ACVR1C: variants seen among roughly 807,000 people sequenced by gnomAD.
ACVR1C encodes activin receptor type-1C.
Under a neutral mutation model 57.9 loss-of-function variants are expected in ACVR1C, and 23 were observed. The ratio of observed to expected loss-of-function variants is 0.40; its 90% confidence interval spans 0.29 to 0.56. ACVR1C has a LOEUF of 0.56. Ranked by LOEUF, ACVR1C falls within the 20% of genes least tolerant of loss-of-function variation. The pLI, the probability that ACVR1C is intolerant of heterozygous loss-of-function variation, is 0.50. For synonymous variants in ACVR1C, 214 were observed against 215.3 expected (o/e 0.99, Z 0.05); for missense variants, 480 against 607.9 (o/e 0.79, Z 2.21).
intron 1 of ACVR1C, among the ~76,000 whole-genome samples, chr2:157,628,221 G>C (rs1253008394): frequency 6.6e-6 from 1 of 152,122 alleles, no homozygotes; most frequent in East Asian, 1.9e-4. Context: ...GGTGAACCCA[G>C]CTCCCAGCCA....
At chr2:157,547,253 T>C (rs977366280) in intron 4 of ACVR1C, among the ~76,000 whole-genome samples, 5 of 121,898 alleles carry the variant, frequency 4.1e-5, no homozygotes, top group African/African-American at 1.4e-4. Context: ...GTCTTTGCTA[T>C]TGTGAATAAT....
At position 157,533,912 on chromosome 2, in the gene ACVR1C, T is replaced by A. The variant is rs542244481; in HGVS notation, c.*6A>T. ...GAGAGATTTCTTTTTAACATAATTA[T>A]CATCATTAGGCTTTGCAGTCTTCTT... is the stretch of plus-strand genomic sequence containing the variant. On this transcript the variant is annotated 3_prime_UTR_variant, in exon 9 of 9. Transcript: ENST00000243349. 5 of 1,545,856 alleles carry A rather than the reference T, an allele frequency of 3.2e-6. No individual in the cohort carries two copies. Among genetic ancestry groups the A allele is most frequent in the Non-Finnish European group, 4.3e-6 (5 of 1,152,640 alleles).
intron 3 of ACVR1C, among the ~76,000 whole-genome samples, chr2:157,554,399 G>A (rs1688039607): frequency 6.6e-6 from 1 of 150,474 alleles, no homozygotes; most frequent in Non-Finnish European, 1.5e-5. Flanking sequence ...AAGGAAGGAA[G>A]GAGATGAAGG....
intron 2 of ACVR1C, among the ~76,000 whole-genome samples, chr2:157,583,460 C>T (rs1490091087): frequency 6.6e-6 from 1 of 152,044 alleles, no homozygotes; most frequent in African/African-American, 2.4e-5. Flanking sequence ...GCAAATTAAT[C>T]TATATATTCA....
At chr2:157,616,089 T>C (rs886363342) in intron 1 of ACVR1C, among the ~76,000 whole-genome samples, 1 of 152,182 alleles carries the variant, frequency 6.6e-6, no homozygotes, top group Non-Finnish European at 1.5e-5. Context: ...CCAATATCTC[T>C]TCAACTATTT....
At chr2:157,610,714 G>A (rs1682512699) in intron 1 of ACVR1C, among the ~76,000 whole-genome samples, 1 of 152,056 alleles carries the variant, frequency 6.6e-6, no homozygotes, top group Non-Finnish European at 1.5e-5. Context: ...ATATTATGAA[G>A]AGTTTGTTCA....
At chr2:157,601,373 T>C (rs1682277779) in intron 1 of ACVR1C, among the ~76,000 whole-genome samples, 1 of 152,132 alleles carries the variant, frequency 6.6e-6, no homozygotes, top group South Asian at 2.1e-4. Context: ...TGGCTTCTCC[T>C]GGTTCCTTTT....
rs756582521 is a variant in ACVR1C at position 157,587,160 on chromosome 2, C to T, written c.304+27G>A. On this transcript the variant is annotated intron_variant, in intron 2 of 8. Transcript: ENST00000243349. ...AGTTTCCCAAGAGTAAAATTAAATT[C>T]GGAATGAACAAAGATAAACCCCTTA... The T allele has an allele frequency of 7.1e-6, 11 of 1,549,928 alleles. No homozygotes were observed. The Admixed American group carries it at 8.4e-5, about 12-fold the overall frequency.
At chr2:157,541,482 C>A (rs1335244155) in intron 6 of ACVR1C, among the ~76,000 whole-genome samples, 1 of 152,272 alleles carries the variant, frequency 6.6e-6, no homozygotes, top group East Asian at 1.9e-4. Flanking sequence ...AAGAAATCTA[C>A]AGTCCATGGG....
intron 4 of ACVR1C, among the ~76,000 whole-genome samples, chr2:157,549,180 C>A (rs1276616198): frequency 6.6e-6 from 1 of 152,000 alleles, no homozygotes; most frequent in Non-Finnish European, 1.5e-5. Context: ...ATAGTGAAAA[C>A]CCTGTCTCTA....
chr2:157,538,769 A>G, intron 7 of ACVR1C, 66 bp from the exon 8 acceptor site: 4 of 1,335,604 alleles, frequency 3.0e-6, no homozygotes, highest in Non-Finnish European at 3.9e-6. Context: ...ATTTTAAATA[A>G]TACCAATTAA....
At chr2:157,599,066 G>A (rs1407200087) in intron 1 of ACVR1C, among the ~76,000 whole-genome samples, 1 of 151,904 alleles carries the variant, frequency 6.6e-6, no homozygotes, top group East Asian at 1.9e-4. Context: ...CGGTCGCGGT[G>A]GCTCAGGCCT....
intron 5 of ACVR1C, 139 bp from the exon 6 acceptor site, chr2:157,543,001 TG>T: frequency 2.7e-6 from 2 of 749,124 alleles, no homozygotes; most frequent in Non-Finnish European, 4.2e-6. Flanking sequence ...TAAATTATCT[TG>T]TTTATTTATG....
intron 2 of ACVR1C, among the ~76,000 whole-genome samples, chr2:157,586,535 G>A (rs1465415423): frequency 3.3e-5 from 5 of 152,054 alleles, no homozygotes; most frequent in Non-Finnish European, 5.9e-5. Context: ...GTCCCTTAAT[G>A]TGTCCCAAAG....
intron 7 of ACVR1C, 69 bp from the exon 8 acceptor site, chr2:157,538,772 C>T: frequency 1.5e-6 from 2 of 1,316,696 alleles, no homozygotes; most frequent in Non-Finnish European, 9.9e-7. Flanking sequence ...TTAAATAATA[C>T]CAATTAAGTT....
At chr2:157,566,723 C>T (rs975965568) in intron 2 of ACVR1C, among the ~76,000 whole-genome samples, 1 of 151,710 alleles carries the variant, frequency 6.6e-6, no homozygotes, top group African/African-American at 2.4e-5. Flanking sequence ...CCCAGGGAGT[C>T]TCGCTGATTG....
At chr2:157,585,052 A>G (rs970707062) in intron 2 of ACVR1C, among the ~76,000 whole-genome samples, 1 of 152,146 alleles carries the variant, frequency 6.6e-6, no homozygotes, top group Non-Finnish European at 1.5e-5. Context: ...CCCATCTACA[A>G]TGATAGAAAA....
At chr2:157,566,552 G>T (rs199974011) in intron 2 of ACVR1C, among the ~76,000 whole-genome samples, 1 of 152,304 alleles carries the variant, frequency 6.6e-6, no homozygotes, top group East Asian at 1.9e-4. Flanking sequence ...CACCTGGGAA[G>T]CACAAGGGGT....
At chr2:157,579,952 A>G (rs1688747642) in intron 2 of ACVR1C, among the ~76,000 whole-genome samples, 1 of 151,784 alleles carries the variant, frequency 6.6e-6, no homozygotes, top group South Asian at 2.1e-4. Flanking sequence ...GACCATTTGG[A>G]TTTTCTCCTC....
Sources: gnomAD v4.1 joint callset for allele counts (sites outside exome capture counted in the v4.1 genomes callset) on GRCh38, gnomAD v4.1.1 for gene constraint, MANE v1.5 for transcripts, NCBI Gene and HGNC (gene_info 2026-07-23, HGNC 2026-07-21) for gene names.